EPN1: variants seen among roughly 807,000 people sequenced by gnomAD.
The protein encoded by EPN1 is epsin 1.
EPN1 carries 25 observed loss-of-function variants against 56.9 expected under a neutral mutation model. The ratio of observed to expected loss-of-function variants is 0.44; its 90% CI spans 0.32 to 0.61. EPN1 has a LOEUF of 0.61. Among genes scored for constraint, EPN1 ranks in the 20% least tolerant of loss-of-function variants. EPN1 has a pLI of 0.05. For missense variants in EPN1, 785 were observed against 823.7 expected (o/e 0.95, Z 0.58); for synonymous variants, 411 against 361.8 (o/e 1.14, Z -1.54).
Position 55,708,835 on chromosome 19 carries a change from G to T in EPN1, c.*13479G>T. Reference sequence around the variant, plus strand: ...CCTGCTGCCATGATGTGCAATTACAGGATAGAGGTGCCAGGTGAAGGTCCC... The same window carrying T: ...CCTGCTGCCATGATGTGCAATTACATGATAGAGGTGCCAGGTGAAGGTCCC... On this transcript the variant is annotated 3_prime_UTR_variant, in exon 11 of 11. Transcript: ENST00000270460. 9.9e-7 allele frequency: 1 copy of T among 1,013,306 alleles called. No individual in the cohort carries two copies. Among genetic ancestry groups the T allele is most frequent in the East Asian group, 2.8e-5 (1 of 35,964 alleles). 62.8% of individuals were successfully genotyped at this position (1,013,306 alleles called of 1,614,324 possible).
rs1987179560 is a variant in EPN1 at position 55,702,301 on chromosome 19, GT to G, written c.*6946del. On this transcript the variant is annotated 3_prime_UTR_variant, in exon 11 of 11. Transcript: ENST00000270460. ...GATCCTGCAGGCAGGCCCTTCGTTTGTGCTGCTCTGCGCTGCTGCTTATCTG... is the reference window on the plus strand; with the variant it reads ...GATCCTGCAGGCAGGCCCTTCGTTTGGCTGCTCTGCGCTGCTGCTTATCTG... The G allele has an allele frequency of 6.6e-6, 1 of 152,434 alleles. No individual in the cohort carries two copies. The highest frequency in any genetic ancestry group is 6.5e-5 in the Admixed American group (1 of 15,290). The allele number at this position is 152,434 out of a possible 1,614,324, so 9.4% of individuals were successfully genotyped here.
chr19:55,678,844 C>A lies in EPN1; in HGVS notation c.217C>A (p.His73Asn). The A allele has an allele frequency of 6.2e-7, 1 of 1,609,692 alleles. No homozygotes were observed. The highest frequency in any genetic ancestry group is 1.1e-5 in the South Asian group (1 of 90,760). The change falls in exon 2 of 11, where the codon CAC (histidine) becomes AAC (asparagine). Residue 73 changes from histidine to asparagine, a missense_variant. By Grantham distance (68) the His-to-Asn change is moderately conservative. Coordinates refer to ENST00000270460, the MANE Select transcript of EPN1 (RefSeq NM_001130072.2). Reference protein sequence around the residue: ...RLNDHGKNWRHVYKAMTLMEY... With the variant: ...RLNDHGKNWRNVYKAMTLMEY... ...CAATGACCATGGCAAGAACTGGCGTCACGTTTACAAGGTCAGCATCCTGCT... is the reference window on the plus strand; with the variant it reads ...CAATGACCATGGCAAGAACTGGCGTAACGTTTACAAGGTCAGCATCCTGCT...
At chr19:55,681,212 G>A (rs1985797117) in intron 2 of EPN1, among the ~76,000 whole-genome samples, 1 of 152,254 alleles carries the variant, frequency 6.6e-6, no homozygotes, top group Admixed American at 6.5e-5. Flanking sequence ...GTGAGTATTG[G>A]TGAGTAAGGG....
chr19:55,707,412 CAG>C lies in EPN1; in HGVS notation c.*12057_*12058del, dbSNP rs1349519420. ...AACCAGTCAAATGTGAAACTGGTGT[CAG>C]GGGTATGTTCTCCATGTTGAGCCCC... On this transcript the variant is annotated 3_prime_UTR_variant, in exon 11 of 11. Transcript: ENST00000270460. 8 of 152,416 alleles carry C rather than the reference CAG, an allele frequency of 5.2e-5. No homozygotes were observed. Among genetic ancestry groups the C allele is most frequent in the African/African-American group, 1.4e-4 (6 of 41,454 alleles). The allele number at this position is 152,416 out of a possible 1,614,324, so 9.4% of individuals were successfully genotyped here.
rs1040172452 is a variant in EPN1, at chr19:55,701,866, A to G, written c.*6510A>G. 6.7e-6 allele frequency: 1 copy of G among 149,708 alleles called. No individual in the cohort carries two copies. Among genetic ancestry groups the G allele is most frequent in the Non-Finnish European group, 1.5e-5 (1 of 67,598 alleles). 9.3% of individuals were successfully genotyped at this position (149,708 alleles called of 1,614,324 possible). ...GGGTTTTATAGATGGGCTAGTGAGG[A>G]GGGGTGTCTTTTCTTCCTAGGGCCT... On this transcript the variant is annotated 3_prime_UTR_variant, in exon 11 of 11. Coordinates refer to ENST00000270460, the MANE Select transcript of EPN1 (RefSeq NM_001130072.2).
rs1232565017 is a variant in EPN1, at chr19:55,708,836, G to A, written c.*13480G>A. On this transcript the variant is annotated 3_prime_UTR_variant, in exon 11 of 11. Coordinates refer to ENST00000270460, the MANE Select transcript of EPN1 (RefSeq NM_001130072.2). The stretch of plus-strand genomic sequence containing the variant: ...CTGCTGCCATGATGTGCAATTACAG[G>A]ATAGAGGTGCCAGGTGAAGGTCCCA... 1 of 1,022,226 alleles carries A rather than the reference G, an allele frequency of 9.8e-7. No individual in the cohort carries two copies. The highest frequency in any genetic ancestry group is 1.4e-6 in the Non-Finnish European group (1 of 713,848). The allele number at this position is 1,022,226 out of a possible 1,614,324, so 63.3% of individuals were successfully genotyped here.
chr19:55,683,221 A>C (rs913896521), intron 2 of EPN1, among the ~76,000 whole-genome samples: 4 of 144,666 alleles, frequency 2.8e-5, no homozygotes, highest in Admixed American at 1.4e-4. Flanking sequence ...ATGCCTGGCT[A>C]ATTTTTTGTA....
In EPN1 at chr19:55,689,513, C is replaced by T; in HGVS notation, c.678+142C>T. On this transcript the variant is annotated intron_variant, in intron 5 of 10. Coordinates refer to ENST00000270460, the MANE Select transcript of EPN1 (RefSeq NM_001130072.2). The surrounding 1 kb of genome is among the most constrained non-coding windows in gnomAD (Gnocchi z 5.7). The stretch of plus-strand genomic sequence containing the variant: ...CGTGTTGAAACCTCAGTACCTTCAG[C>T]CGTAGGATGTAGGACCACAAGTCAG... 3 of 669,778 alleles carry T rather than the reference C, an allele frequency of 4.5e-6. No homozygotes were observed. Among genetic ancestry groups the T allele is most frequent in the Non-Finnish European group, 7.9e-6 (3 of 381,332 alleles). 41.5% of individuals were successfully genotyped at this position (669,778 alleles called of 1,614,324 possible).
intron 1 of EPN1, chr19:55,677,493 T>G (rs1311433501): frequency 9.8e-7 from 1 of 1,017,636 alleles, no homozygotes. Context: ...GGGCCTCGGG[T>G]TGAGTCTGCC....
chr19:55,681,306 T>G, intron 2 of EPN1, among the ~76,000 whole-genome samples: 1 of 152,178 alleles, frequency 6.6e-6, no homozygotes, highest in East Asian at 1.9e-4. Context: ...AAGTTCTTTT[T>G]CTCCTTTTCC....
In EPN1 at chr19:55,708,712, G is replaced by T; in HGVS notation, c.*13356G>T. The stretch of plus-strand genomic sequence containing the variant: ...CAGGATGGGATTTCTAAAGACAAGG[G>T]GATATAGGACCGAGGCAAAGACAAT... On this transcript the variant is annotated 3_prime_UTR_variant, in exon 11 of 11. Coordinates refer to ENST00000270460, the MANE Select transcript of EPN1 (RefSeq NM_001130072.2). The T allele has an allele frequency of 2.4e-6, 1 of 418,952 alleles. No individual in the cohort carries two copies. The highest frequency in any genetic ancestry group is 6.5e-4 in the Middle Eastern group (1 of 1,540). The allele number at this position is 418,952 out of a possible 1,614,324, so 26.0% of individuals were successfully genotyped here.
At chr19:55,682,402 T>C (rs1445723872) in intron 2 of EPN1, among the ~76,000 whole-genome samples, 1 of 152,078 alleles carries the variant, frequency 6.6e-6, no homozygotes, top group Non-Finnish European at 1.5e-5. Flanking sequence ...TCAGCAAGGT[T>C]GACCGTGCTG....
In EPN1 at chr19:55,678,539, G is replaced by A; in HGVS notation, c.-89G>A. 6.5e-7 allele frequency: 1 copy of A among 1,544,126 alleles called. No homozygotes were observed. Among genetic ancestry groups the A allele is most frequent in the South Asian group, 1.2e-5 (1 of 84,258 alleles). ...CTTCCCCTCGCAGATGCGGTGACCT[G>A]CCAGCACCTGCCGCAGCCTTCGTCC... On this transcript the variant is annotated 5_prime_UTR_variant, in exon 2 of 11. Transcript: ENST00000270460.
Position 55,708,818 on chromosome 19 carries a change from C to T in EPN1, c.*13462C>T. ...ACCTCTGAAATCACAGCCCTGCTGC[C>T]ATGATGTGCAATTACAGGATAGAGG... On this transcript the variant is annotated 3_prime_UTR_variant, in exon 11 of 11. Transcript: ENST00000270460. The T allele has an allele frequency of 1.2e-6, 1 of 809,622 alleles. No homozygotes were observed. The highest frequency in any genetic ancestry group is 1.9e-6 in the Non-Finnish European group (1 of 527,590). The allele number at this position is 809,622 out of a possible 1,614,324, so 50.2% of individuals were successfully genotyped here. A position where few individuals can be genotyped will look rare whatever the true frequency, so the allele number is the denominator to read the frequency against.
chr19:55,697,529 A>AC lies in EPN1; in HGVS notation c.*2175dup. 6.6e-6 allele frequency: 1 copy of AC among 152,174 alleles called. No individual in the cohort carries two copies. The highest frequency in any genetic ancestry group is 1.5e-5 in the Non-Finnish European group (1 of 68,034). The allele number at this position is 152,174 out of a possible 1,614,324, so 9.4% of individuals were successfully genotyped here. The stretch of plus-strand genomic sequence containing the variant: ...AAGGTGTGAGGCTTTAATTCTCCCC[A>AC]CCATTTCCTCATTTGGCAAAACAGA... On this transcript the variant is annotated 3_prime_UTR_variant, in exon 11 of 11. Coordinates refer to ENST00000270460, the MANE Select transcript of EPN1 (RefSeq NM_001130072.2).
chr19:55,694,569 G>A lies in EPN1; in HGVS notation c.1265-157G>A. 1.1e-6 allele frequency: 1 copy of A among 895,962 alleles called. No individual in the cohort carries two copies. 55.5% of individuals were successfully genotyped at this position (895,962 alleles called of 1,614,324 possible). On this transcript the variant is annotated intron_variant, in intron 9 of 10. Transcript: ENST00000270460. This position sits in a 1 kb window ranked among gnomAD's most constrained non-coding sequence, Gnocchi z 4.2. Reference sequence around the variant, plus strand: ...TGGGCTGACGTGAGGTTTTGGCCTGGGCAAGCGATGCTTCCGCTCTGCACC... The same window carrying A: ...TGGGCTGACGTGAGGTTTTGGCCTGAGCAAGCGATGCTTCCGCTCTGCACC...
intron 7 of EPN1, 23 bp from the exon 8 acceptor site, chr19:55,692,663 C>A: frequency 6.8e-7 from 1 of 1,469,206 alleles, no homozygotes; most frequent in Non-Finnish European, 9.1e-7. Context: ...GCCAGCCCCT[C>A]ATGCTCTTCT....
chr19:55,691,020 G>T lies in EPN1; in HGVS notation c.763-734G>T, dbSNP rs1336472784. ...ATCCCCGCCGGGGCCTTTGCCTCAC[G>T]GGTGCTGACTGGAGATGTGTGCATG... On this transcript the variant is annotated intron_variant, in intron 6 of 10. Coordinates refer to ENST00000270460, the MANE Select transcript of EPN1 (RefSeq NM_001130072.2). The surrounding 1 kb of genome is among the most constrained non-coding windows in gnomAD (Gnocchi z 5.6). 6.6e-6 allele frequency among the ~76,000 whole-genome samples: 1 copy of T among 152,134 alleles called. No homozygotes were observed. Among genetic ancestry groups the T allele is most frequent in the Middle Eastern group, 3.2e-3 (1 of 316 alleles).
chr19:55,691,007 G>A lies in EPN1; in HGVS notation c.763-747G>A, dbSNP rs1285057721. 6.6e-6 allele frequency among the ~76,000 whole-genome samples: 1 copy of A among 152,170 alleles called. No individual in the cohort carries two copies. Among genetic ancestry groups the A allele is most frequent in the African/African-American group, 2.4e-5 (1 of 41,432 alleles). On this transcript the variant is annotated intron_variant, in intron 6 of 10. Coordinates refer to ENST00000270460, the MANE Select transcript of EPN1 (RefSeq NM_001130072.2). The surrounding 1 kb of genome is among the most constrained non-coding windows in gnomAD (Gnocchi z 5.6). ...TTCTCCCCTTCCCATCCCCGCCGGGGCCTTTGCCTCACGGGTGCTGACTGG... is the reference window on the plus strand; with the variant it reads ...TTCTCCCCTTCCCATCCCCGCCGGGACCTTTGCCTCACGGGTGCTGACTGG...
Sources: allele counts gnomAD v4.1 joint callset (sites outside exome capture counted in the v4.1 genomes callset), GRCh38; gene constraint gnomAD v4.1.1; non-coding constraint Gnocchi (gnomAD v3.1); transcripts MANE v1.5; gene names NCBI Gene and HGNC (gene_info 2026-07-23, HGNC 2026-07-21).